Variants in FBXO11 observed in about 807,000 individuals in gnomAD.
FBXO11 encodes the protein F-box protein 11, also known as F-box only protein 11.
A neutral mutation model predicts 117.0 loss-of-function variants in FBXO11; 13 were observed. That is an observed-to-expected ratio of 0.11 (90% CI 0.07 to 0.18). FBXO11 has a LOEUF of 0.18. Ranked by LOEUF, FBXO11 falls within the 10% of genes least tolerant of loss-of-function variation. The probability of loss-of-function intolerance (pLI) is 1.00; values close to 1 mark genes in which losing one functional copy is unlikely to be tolerated. For synonymous variants in FBXO11, 490 were observed against 380.5 expected, an observed-to-expected ratio of 1.29 and a Z score of -3.35; for missense variants, 767 against 1,164.4, an observed-to-expected ratio of 0.66 and a Z score of 4.97.
intron 11 of FBXO11, among the ~76,000 whole-genome samples, chr2:47,827,217 A>G (rs1410028996): frequency 6.6e-6 from 1 of 152,250 alleles, no homozygotes; most frequent in African/African-American, 2.4e-5. Context: ...TAGAAATGAC[A>G]AAGATTGATT....
In FBXO11 at chr2:47,856,472, A is replaced by C. The variant is rs114533665; in HGVS notation, c.233-16703T>G. On this transcript the variant is annotated intron_variant, in intron 1 of 22. Coordinates refer to ENST00000403359, the MANE Select transcript of FBXO11 (RefSeq NM_001190274.2). ...CAAAGAAACCAGTATACATTGGAAGAGGGCTCTGGGAATGAAATGTCCTTG... is the reference window on the plus strand; with the variant it reads ...CAAAGAAACCAGTATACATTGGAAGCGGGCTCTGGGAATGAAATGTCCTTG... 5.4e-3 allele frequency among the ~76,000 whole-genome samples: 821 copies of C among 152,324 alleles called. 10 individuals carry two copies. Among genetic ancestry groups the C allele is most frequent in the Middle Eastern group, 0.027 (8 of 294 alleles).
At chr2:47,821,702 T>C (rs955279542) in intron 13 of FBXO11, among the ~76,000 whole-genome samples, 2 of 151,642 alleles carry the variant, frequency 1.3e-5, no homozygotes, top group African/African-American at 4.8e-5. Flanking sequence ...TGAGGATCGC[T>C]TGAACCTGGG....
intron 11 of FBXO11, among the ~76,000 whole-genome samples, chr2:47,830,567 G>A (rs1672101050): frequency 6.6e-6 from 1 of 152,080 alleles, no homozygotes. Flanking sequence ...TAAAAATGAT[G>A]GGGTGGAGAT....
At chr2:47,831,938 C>T (rs1391382692) in intron 11 of FBXO11, among the ~76,000 whole-genome samples, 2 of 152,122 alleles carry the variant, frequency 1.3e-5, no homozygotes, top group South Asian at 2.1e-4. Context: ...GTATACTCTA[C>T]AAACTGTGTT....
At chr2:47,861,649 T>C (rs1027477439) in intron 1 of FBXO11, among the ~76,000 whole-genome samples, 5 of 152,106 alleles carry the variant, frequency 3.3e-5, no homozygotes, top group Non-Finnish European at 7.4e-5. Flanking sequence ...TACCCTAGGA[T>C]TGGCAGGTCC....
intron 7 of FBXO11, among the ~76,000 whole-genome samples, 169 bp from the exon 8 acceptor site, chr2:47,833,239 C>T (rs1033735289): frequency 3.3e-5 from 5 of 152,278 alleles, no homozygotes; most frequent in South Asian, 2.1e-4. Context: ...AATCCATGCA[C>T]AGTATTACTT....
rs1045229993 is a variant in FBXO11, at chr2:47,814,037, G to GT, written c.2007-171dup. 1.1e-5 allele frequency: 6 copies of GT among 551,186 alleles called. No individual in the cohort carries two copies. The Admixed American group carries it at 1.9e-4, about 18-fold the overall frequency. The allele number at this position is 551,186 out of a possible 1,614,324, so 34.1% of individuals were successfully genotyped here. The stretch of plus-strand genomic sequence containing the variant: ...AAGTGGTTTAATTTTGCTTAATCCT[G>GT]TATTTCCCACAGAACATACTTTACT... On this transcript the variant is annotated intron_variant, in intron 16 of 22. Coordinates refer to ENST00000403359, the MANE Select transcript of FBXO11 (RefSeq NM_001190274.2).
In FBXO11 at chr2:47,905,605, T is replaced by TGCTGCTGGGGCGGCTGCGGCGGCG; in HGVS notation, c.92_115dup (p.Pro31_Gln38dup). 2 of 1,313,338 alleles carry TGCTGCTGGGGCGGCTGCGGCGGCG rather than the reference T, an allele frequency of 1.5e-6. No homozygotes were observed. Among genetic ancestry groups the TGCTGCTGGGGCGGCTGCGGCGGCG allele is most frequent in the Non-Finnish European group, 1.9e-6 (2 of 1,032,794 alleles). The allele number at this position is 1,313,338 out of a possible 1,614,324, so 81.4% of individuals were successfully genotyped here. A position where few individuals can be genotyped will look rare whatever the true frequency, so the allele number is the denominator to read the frequency against. The stretch of plus-strand genomic sequence containing the variant: ...CGGCGGAGGCTGCTGCTGGGGCGGC[T>TGCTGCTGGGGCGGCTGCGGCGGCG]GCTGCTGGGGCGGCTGCGGCGGCGG... On this transcript the variant is annotated inframe_insertion, in exon 1 of 23. Coordinates refer to ENST00000403359, the MANE Select transcript of FBXO11 (RefSeq NM_001190274.2).
chr2:47,886,334 C>T (rs893019682), intron 1 of FBXO11, among the ~76,000 whole-genome samples: 1 of 151,744 alleles, frequency 6.6e-6, no homozygotes, highest in Non-Finnish European at 1.5e-5. Context: ...GTGAAACTCC[C>T]GTCTCTACTA....
At chr2:47,846,136 T>C (rs971116764) in intron 1 of FBXO11, among the ~76,000 whole-genome samples, 1 of 152,152 alleles carries the variant, frequency 6.6e-6, no homozygotes, top group Admixed American at 6.5e-5. Flanking sequence ...CATGGATTAG[T>C]TATGGTTTTG....
chr2:47,823,558 G>T (rs1671533186), intron 11 of FBXO11, among the ~76,000 whole-genome samples, 198 bp from the exon 12 acceptor site: 1 of 152,138 alleles, frequency 6.6e-6, no homozygotes. Flanking sequence ...GAGGAGACCA[G>T]CCTGGCCAAC....
chr2:47,839,966 C>G (rs981195646), intron 1 of FBXO11, among the ~76,000 whole-genome samples, 197 bp from the exon 2 acceptor site: 8 of 149,652 alleles, frequency 5.3e-5, no homozygotes, highest in Non-Finnish European at 7.4e-5. Flanking sequence ...TTTTTTGAGA[C>G]AGAGTCTCGC....
chr2:47,810,766 C>T (rs114518335), intron 18 of FBXO11: 2,004 of 176,608 alleles, frequency 0.011, 32 homozygotes, highest in African/African-American at 0.042. Context: ...TGAAATATTT[C>T]TAGAACCTTT....
In FBXO11 at chr2:47,847,275, T is replaced by C. The variant is rs146242253; in HGVS notation, c.233-7506A>G. Among the ~76,000 whole-genome samples, 152 of 152,152 alleles carry C rather than the reference T, an allele frequency of 1.0e-3. 2 individuals carry two copies. Among genetic ancestry groups the C allele is most frequent in the African/African-American group, 3.5e-3 (145 of 41,532 alleles). On this transcript the variant is annotated intron_variant, in intron 1 of 22. Coordinates refer to ENST00000403359, the MANE Select transcript of FBXO11 (RefSeq NM_001190274.2). ...AACAAACAAAAAGAAATTAAGCACT[T>C]AGGCTATAATGGTATAGCCTACTGT...
chr2:47,819,768 T>C (rs1019612922), intron 14 of FBXO11, among the ~76,000 whole-genome samples: 1 of 152,166 alleles, frequency 6.6e-6, no homozygotes, highest in Non-Finnish European at 1.5e-5. Context: ...TTCCCAAAAT[T>C]TTTACTTTTA....
At chr2:47,816,387 C>T (rs759289531) in intron 16 of FBXO11, among the ~76,000 whole-genome samples, 2 of 152,046 alleles carry the variant, frequency 1.3e-5, no homozygotes, top group Non-Finnish European at 2.9e-5. Flanking sequence ...TGCTATGTTG[C>T]CCAGGCTGAT....
intron 1 of FBXO11, among the ~76,000 whole-genome samples, chr2:47,856,430 A>G (rs767668113): frequency 1.6e-4 from 24 of 152,230 alleles, no homozygotes; most frequent in Non-Finnish European, 2.9e-4. Flanking sequence ...CCCATGATAA[A>G]GGGTATAAAA....
At chr2:47,816,622 T>C (rs539619554) in intron 16 of FBXO11, among the ~76,000 whole-genome samples, 3 of 151,526 alleles carry the variant, frequency 2.0e-5, no homozygotes, top group South Asian at 2.1e-4. Context: ...ATACAAAGAC[T>C]TAAAAATTGA....
chr2:47,820,561 G>C (rs1466570778), intron 13 of FBXO11, 105 bp from the exon 14 acceptor site: 3 of 784,960 alleles, frequency 3.8e-6, no homozygotes, highest in Non-Finnish European at 6.1e-6. Context: ...GAATTTTAGT[G>C]ACCATTACAA....
Sources: gnomAD v4.1 joint callset for allele counts (sites outside exome capture counted in the v4.1 genomes callset) on GRCh38, gnomAD v4.1.1 for gene constraint, MANE v1.5 for transcripts, NCBI Gene and HGNC (gene_info 2026-07-23, HGNC 2026-07-21) for gene names.